Variants in MAML1 observed in about 807,000 individuals in gnomAD.
MAML1 encodes the protein mastermind like transcriptional coactivator 1, also known as mastermind-like protein 1.
In MAML1, 14 loss-of-function variants were observed where a neutral mutation model predicts 77.1. The ratio of observed to expected loss-of-function variants is 0.18; its 90% CI spans 0.12 to 0.28. The LOEUF is 0.28. Among genes scored for constraint, MAML1 ranks in the 10% least tolerant of loss-of-function variants. The pLI, the probability that MAML1 is intolerant of heterozygous loss-of-function variation, is 1.00. For missense variants in MAML1, 1,217 were observed against 1,327.8 expected, an observed-to-expected ratio of 0.92 and a Z score of 1.30; for synonymous variants, 516 against 551.9, an observed-to-expected ratio of 0.93 and a Z score of 0.91.
chr5:179,738,558 C>G (rs1478897694), intron 1 of MAML1, among the ~76,000 whole-genome samples: 1 of 152,052 alleles, frequency 6.6e-6, no homozygotes, highest in Non-Finnish European at 1.5e-5. Context: ...CCAACTGAGT[C>G]TTTCCCTTCA....
At position 179,741,133 on chromosome 5, in the gene MAML1, T is replaced by C. The variant is rs116682952; in HGVS notation, c.315+7706T>C. ...ATATGTTCCTTCTAAGTATTTTCCC[T>C]AACCCAGTCATCCAGAGTAAAAACC... On this transcript the variant is annotated intron_variant, in intron 1 of 4. Coordinates refer to ENST00000292599, the MANE Select transcript of MAML1 (RefSeq NM_014757.5). Among the ~76,000 whole-genome samples the C allele has an allele frequency of 6.2e-3, 947 of 152,314 alleles. 12 individuals carry two copies. The highest frequency in any genetic ancestry group is 0.02 in the African/African-American group (826 of 41,554).
In MAML1 at chr5:179,769,175, C is replaced by A. The variant is rs555165496; in HGVS notation, c.1971+86C>A. 4 of 1,559,376 alleles carry A rather than the reference C, an allele frequency of 2.6e-6. No individual in the cohort carries two copies. The African/African-American group carries it at 4.1e-5, about 16-fold the overall frequency. ...GCTACAGTCACACCTTCTGCTTGTG[C>A]GTGTGGATTTGCGCAGACTTGCGTG... On this transcript the variant is annotated intron_variant, in intron 3 of 4. Coordinates refer to ENST00000292599, the MANE Select transcript of MAML1 (RefSeq NM_014757.5). The surrounding 1 kb of genome is among the most constrained non-coding windows in gnomAD (Gnocchi z 4.2).
At chr5:179,742,684 C>T (rs1562548914) in intron 1 of MAML1, among the ~76,000 whole-genome samples, 1 of 151,774 alleles carries the variant, frequency 6.6e-6, no homozygotes, top group Non-Finnish European at 1.5e-5. Context: ...GCACACACCT[C>T]TAATCCCAGG....
At chr5:179,741,618 C>T (rs1188285033) in intron 1 of MAML1, among the ~76,000 whole-genome samples, 1 of 144,020 alleles carries the variant, frequency 6.9e-6, no homozygotes, top group Non-Finnish European at 1.5e-5. Context: ...CCCAGGAGGT[C>T]GAGGTTGTCG....
At chr5:179,772,650 C>T (rs1327961281) in intron 4 of MAML1, among the ~76,000 whole-genome samples, 2 of 152,186 alleles carry the variant, frequency 1.3e-5, no homozygotes, top group African/African-American at 4.8e-5. Context: ...AGTGGGTACT[C>T]AGTGAAGATC....
intron 1 of MAML1, among the ~76,000 whole-genome samples, chr5:179,734,665 T>C (rs1346708099): frequency 1.3e-5 from 2 of 152,026 alleles, no homozygotes; most frequent in Admixed American, 6.6e-5. Flanking sequence ...CTCCCCTCAC[T>C]CTGTCGCCCA....
Position 179,765,949 on chromosome 5 carries a change from C to A in MAML1, c.939C>A (p.Gly313=), listed in dbSNP as rs1779809092. The change falls in exon 2 of 5, where the codon GGC becomes GGA. Residue 313 remains glycine (G), a synonymous_variant. Transcript: ENST00000292599. ...SPAAFEQEQL[G]SPQVRAGSAG... ...CAGCCTTTGAGCAAGAACAGTTAGG[C>A]TCTCCACAAGTGAGGGCCGGGTCTG... is the stretch of plus-strand genomic sequence containing the variant. 3.7e-6 allele frequency: 6 copies of A among 1,614,008 alleles called. No homozygotes were observed. The highest frequency in any genetic ancestry group is 5.1e-6 in the Non-Finnish European group (6 of 1,180,018).
chr5:179,774,292 G>A lies in MAML1; in HGVS notation c.2466G>A (p.Lys822=), dbSNP rs141774822. Residue 822 remains lysine (K), a synonymous_variant, in exon 5 of 5, where the codon AAG becomes AAA. Coordinates refer to ENST00000292599, the MANE Select transcript of MAML1 (RefSeq NM_014757.5). ...GGACCCTGAACCCTGGTTTAACAAA[G>A]CCACCGGTCCCAAGGGTGTCACCAG... ...NKGTLNPGLT[K]PPVPRVSPAM... 2.2e-4 allele frequency: 357 copies of A among 1,613,386 alleles called. 2 individuals are homozygous for A. The highest frequency in any genetic ancestry group is 8.3e-4 in the Middle Eastern group (5 of 6,060).
chr5:179,773,267 C>T (rs1175499246), intron 4 of MAML1, among the ~76,000 whole-genome samples: 1 of 152,266 alleles, frequency 6.6e-6, no homozygotes, highest in Non-Finnish European at 1.5e-5. Flanking sequence ...ACCAGCTGGC[C>T]ACTGTCTGCA....
chr5:179,738,551 A>G (rs973823377), intron 1 of MAML1, among the ~76,000 whole-genome samples: 3 of 152,008 alleles, frequency 2.0e-5, no homozygotes, highest in Non-Finnish European at 4.4e-5. Flanking sequence ...TCCCTTCCCA[A>G]CTGAGTCTTT....
At chr5:179,761,819 G>A (rs570954091) in intron 1 of MAML1, among the ~76,000 whole-genome samples, 30 of 152,330 alleles carry the variant, frequency 2.0e-4, no homozygotes, top group African/African-American at 6.7e-4. Context: ...GAAGATCATT[G>A]CTGGCCTTGG....
In MAML1 at chr5:179,733,105, C is replaced by T. The variant is rs1779097260; in HGVS notation, c.-8C>T. 3 of 1,385,584 alleles carry T rather than the reference C, an allele frequency of 2.2e-6. No homozygotes were observed. The highest frequency in any genetic ancestry group is 3.1e-5 in the African/African-American group (2 of 65,308). 85.8% of individuals were successfully genotyped at this position (1,385,584 alleles called of 1,614,324 possible). On this transcript the variant is annotated 5_prime_UTR_variant, in exon 1 of 5. Coordinates refer to ENST00000292599, the MANE Select transcript of MAML1 (RefSeq NM_014757.5). ...GGCCCCGGGCCCGGCCCGTGCAGCC[C>T]GCGGCCCATGGTGCTGCCCACCTGC...
chr5:179,743,863 C>G (rs1779329906), intron 1 of MAML1, among the ~76,000 whole-genome samples: 1 of 152,054 alleles, frequency 6.6e-6, no homozygotes, highest in African/African-American at 2.4e-5. Context: ...TGAATCAACT[C>G]TTTTAAAAGA....
chr5:179,759,693 G>GAATT (rs1393665572), intron 1 of MAML1, among the ~76,000 whole-genome samples: 1 of 152,188 alleles, frequency 6.6e-6, no homozygotes, highest in Non-Finnish European at 1.5e-5. Context: ...GATTGGGTTG[G>GAATT]AATTGCCAAT....
intron 3 of MAML1, among the ~76,000 whole-genome samples, chr5:179,770,244 C>G (rs1431319183): frequency 5.3e-5 from 8 of 152,032 alleles, no homozygotes; most frequent in Non-Finnish European, 8.8e-5. Flanking sequence ...GTCAGGAGAT[C>G]AAGACCATCC....
rs1209995171 is a variant in MAML1 at position 179,753,654 on chromosome 5, A to ATTTTT, written c.316-11653_316-11649dup. Among the ~76,000 whole-genome samples the ATTTTT allele has an allele frequency of 6.4e-3, 567 of 88,680 alleles. 3 individuals are homozygous for ATTTTT. Among genetic ancestry groups the ATTTTT allele is most frequent in the Middle Eastern group, 0.01 (1 of 100 alleles). 58.2% of individuals were successfully genotyped at this position (88,680 alleles called of 152,430 possible). On this transcript the variant is annotated intron_variant, in intron 1 of 4. Coordinates refer to ENST00000292599, the MANE Select transcript of MAML1 (RefSeq NM_014757.5). ...TTTGGGTTGTTTTATTATTATTATT[A>ATTTTT]TTTTTTTTTTTTTTTTTTTTTTTGA...
chr5:179,739,399 G>GAAAAAT (rs1365946122), intron 1 of MAML1, among the ~76,000 whole-genome samples: 1 of 151,924 alleles, frequency 6.6e-6, no homozygotes, highest in Admixed American at 6.6e-5. Flanking sequence ...GAATAGAATA[G>GAAAAAT]AAAAATAAAA....
At chr5:179,773,857 G>T in intron 4 of MAML1, 38 bp from the exon 5 acceptor site, 1 of 1,576,470 alleles carries the variant, frequency 6.3e-7, no homozygotes, top group Non-Finnish European at 8.6e-7. Context: ...CCCAGTGGTG[G>T]TCGACTCCTG....
rs1023437143 is a variant in MAML1 at position 179,745,237 on chromosome 5, A to T, written c.315+11810A>T. Among the ~76,000 whole-genome samples the T allele has an allele frequency of 9.2e-5, 14 of 152,140 alleles. No homozygotes were observed. The Middle Eastern group carries it at 0.01, about 111-fold the overall frequency. ...AAATTTTTATAAGTAATTATTATGT[A>T]AAAAAGTACAAGTTTATTAGAAATG... On this transcript the variant is annotated intron_variant, in intron 1 of 4. Transcript: ENST00000292599.
Sources: allele counts gnomAD v4.1 joint callset (sites outside exome capture counted in the v4.1 genomes callset), GRCh38; gene constraint gnomAD v4.1.1; non-coding constraint Gnocchi (gnomAD v3.1); transcripts MANE v1.5; gene names NCBI Gene and HGNC (gene_info 2026-07-23, HGNC 2026-07-21).